The following BBS9 variants were observed in gnomAD, a reference collection of about 807,000 sequenced individuals.
BBS9 encodes Bardet-Biedl syndrome 9.
BBS9 carries 89 observed loss-of-function variants against 117.7 expected under a neutral mutation model. The ratio of observed to expected loss-of-function variants is 0.76; its 90% confidence interval spans 0.64 to 0.90. The LOEUF (loss-of-function observed/expected upper bound fraction) is 0.90, where lower values mean the gene tolerates loss of function less well. Ranked by LOEUF, BBS9 falls within the 40% of genes least tolerant of loss-of-function variation. The pLI is 0.00. For synonymous variants in BBS9, 379 were observed against 370.9 expected, an observed-to-expected ratio of 1.02 and a Z score of -0.25; for missense variants, 982 against 1,042.2, an observed-to-expected ratio of 0.94 and a Z score of 0.80.
intron 19 of BBS9, among the ~76,000 whole-genome samples, chr7:33,497,881 A>G (rs1844940751): frequency 6.6e-6 from 1 of 152,176 alleles, no homozygotes; most frequent in Non-Finnish European, 1.5e-5. Context: ...AGACTGCCTC[A>G]AACAGAAGAG....
At chr7:33,147,704 G>A (rs1246469817) in intron 2 of BBS9, among the ~76,000 whole-genome samples, 1 of 152,144 alleles carries the variant, frequency 6.6e-6, no homozygotes, top group East Asian at 1.9e-4. Flanking sequence ...GTTCAGCTTG[G>A]TTGGAAACTA....
intron 9 of BBS9, among the ~76,000 whole-genome samples, chr7:33,316,704 A>G (rs1810575960): frequency 6.6e-6 from 1 of 152,166 alleles, no homozygotes; most frequent in Non-Finnish European, 1.5e-5. Flanking sequence ...TGTGAAATGT[A>G]TATTCATGTC....
chr7:33,505,426 T>G, intron 19 of BBS9, 37 bp from the exon 20 acceptor site: 1 of 1,607,334 alleles, frequency 6.2e-7, no homozygotes, highest in Non-Finnish European at 8.5e-7. Flanking sequence ...TCAATAATTG[T>G]GAAATTATCC....
chr7:33,393,905 C>G (rs142975918), intron 19 of BBS9, among the ~76,000 whole-genome samples: 70 of 152,298 alleles, frequency 4.6e-4, no homozygotes, highest in African/African-American at 1.6e-3. Flanking sequence ...AAGCCAACCA[C>G]TTCCCTCCCT....
Position 33,219,283 on chromosome 7 carries a change from C to T in BBS9, c.443-37953C>T, listed in dbSNP as rs553456161. ...CCCCCTCCGTGGGCTCCTGTGCGGC[C>T]GAGCTTCCCCGGTGAGCGCCGCCCC... On this transcript the variant is annotated intron_variant, in intron 5 of 22. Transcript: ENST00000242067. Among the ~76,000 whole-genome samples the T allele has an allele frequency of 3.1e-4, 47 of 152,320 alleles. No individual in the cohort carries two copies. The East Asian group carries it at 5.6e-3, about 18-fold the overall frequency.
intron 21 of BBS9, among the ~76,000 whole-genome samples, chr7:33,576,546 G>GA (rs916197474): frequency 6.6e-5 from 10 of 151,940 alleles, no homozygotes; most frequent in African/African-American, 1.9e-4. Flanking sequence ...CACAGAATTG[G>GA]AAAAAAACAC....
intron 20 of BBS9, among the ~76,000 whole-genome samples, chr7:33,522,040 T>C (rs1298456990): frequency 2.0e-5 from 3 of 151,994 alleles, no homozygotes; most frequent in African/African-American, 7.2e-5. Flanking sequence ...AATGATGATT[T>C]CCAATTTCAT....
At chr7:33,194,696 T>C (rs1036531459) in intron 5 of BBS9, among the ~76,000 whole-genome samples, 1 of 152,240 alleles carries the variant, frequency 6.6e-6, no homozygotes, top group African/African-American at 2.4e-5. Context: ...GCTTTTAAAC[T>C]GTGTAAGTGT....
At chr7:33,564,035 A>C (rs1856494295) in intron 21 of BBS9, among the ~76,000 whole-genome samples, 1 of 105,502 alleles carries the variant, frequency 9.5e-6, no homozygotes, top group African/African-American at 6.0e-5. Flanking sequence ...GGAATTCATC[A>C]ATTCTTTAAA....
intron 5 of BBS9, among the ~76,000 whole-genome samples, chr7:33,234,222 GA>G (rs1344669884): frequency 3.3e-5 from 5 of 151,922 alleles, no homozygotes; most frequent in African/African-American, 7.2e-5. Context: ...GTATGTATAG[GA>G]AAAAACAGTG....
chr7:33,454,657 C>G (rs1258641475), intron 19 of BBS9, among the ~76,000 whole-genome samples: 1 of 152,182 alleles, frequency 6.6e-6, no homozygotes, highest in Non-Finnish European at 1.5e-5. Context: ...GTCAAGACAC[C>G]TCAATCATAA....
chr7:33,336,382 G>A, intron 9 of BBS9, 59 bp from the exon 10 acceptor site: 1 of 1,372,946 alleles, frequency 7.3e-7, no homozygotes, highest in Non-Finnish European at 1.0e-6. Context: ...AATGTAGTTG[G>A]TCAAGACTAA....
intron 4 of BBS9, among the ~76,000 whole-genome samples, chr7:33,170,942 G>T (rs953083265): frequency 2.7e-5 from 4 of 150,144 alleles, no homozygotes; most frequent in South Asian, 2.1e-4. Context: ...CACTGCTCAA[G>T]GAAATAAAAG....
chr7:33,134,072 C>T (rs749615494), intron 1 of BBS9, among the ~76,000 whole-genome samples: 5 of 151,654 alleles, frequency 3.3e-5, no homozygotes, highest in East Asian at 1.9e-4. Context: ...TTTTTTGAAA[C>T]GGAGTTTTGC....
At position 33,349,127 on chromosome 7, in the gene BBS9, A is replaced by C; in HGVS notation, c.1389A>C (p.Pro463=). The change falls in exon 13 of 23, where the codon CCA becomes CCC. Residue 463 remains proline, a synonymous_variant. Coordinates refer to ENST00000242067, the MANE Select transcript of BBS9 (RefSeq NM_198428.3). ...CCAAATTATCAGTCTACGTGCAACC[A>C]CCATTAGAATTGACTTGTGATCAGT... The part of the protein sequence containing the change: ...QKAKLSVYVQ[P]PLELTCDQFT... The C allele has an allele frequency of 6.2e-7, 1 of 1,613,482 alleles. No homozygotes were observed. The highest frequency in any genetic ancestry group is 8.5e-7 in the Non-Finnish European group (1 of 1,179,568).
chr7:33,203,717 A>ACTTTTCTTTT (rs113024677), intron 5 of BBS9, among the ~76,000 whole-genome samples: 145,916 of 150,730 alleles, frequency 0.97, 70,664 homozygotes, highest in East Asian at 1. Context: ...TTGGAACACT[A>ACTTTTCTTTT]CTTTTCTTTT....
In BBS9 at chr7:33,387,346, G is replaced by A. The variant is rs139682406; in HGVS notation, c.1963-646G>A. 8.5e-3 allele frequency among the ~76,000 whole-genome samples: 1,286 copies of A among 152,126 alleles called. 21 individuals are homozygous for A. The highest frequency in any genetic ancestry group is 0.044 in the South Asian group (214 of 4,810). ...ATTGGATTGTTGCTGATTTCCTACT[G>A]ATTTCTGTTAGGTTGTGGTCTTTTT... is the stretch of plus-strand genomic sequence containing the variant. On this transcript the variant is annotated intron_variant, in intron 18 of 22. Coordinates refer to ENST00000242067, the MANE Select transcript of BBS9 (RefSeq NM_198428.3).
rs577640064 is a variant in BBS9 at position 33,493,601 on chromosome 7, G to T, written c.2116-11862G>T. On this transcript the variant is annotated intron_variant, in intron 19 of 22. Transcript: ENST00000242067. ...ACAATTCATATGGCTTATTCTGCAGGCTGGGTGAAGGCCCAGCTGTCCTTT... is the reference window on the plus strand; with the variant it reads ...ACAATTCATATGGCTTATTCTGCAGTCTGGGTGAAGGCCCAGCTGTCCTTT... 6.6e-5 allele frequency among the ~76,000 whole-genome samples: 10 copies of T among 152,246 alleles called. No homozygotes were observed. The South Asian group carries it at 2.1e-3, about 32-fold the overall frequency.
rs564157776 is a variant in BBS9 at position 33,591,703 on chromosome 7, C to T, written c.2522-13162C>T. On this transcript the variant is annotated intron_variant, in intron 21 of 22. Transcript: ENST00000242067. ...TTCAAGGTTCAGCTGCTGGCCATTA[C>T]GATTTCCCATGAGAAAGCAAACCTA... Among the ~76,000 whole-genome samples the T allele has an allele frequency of 4.9e-4, 74 of 152,136 alleles. 1 individual carries two copies. The highest frequency in any genetic ancestry group is 6.8e-3 in the Middle Eastern group (2 of 294).
Sources: allele counts gnomAD v4.1 joint callset (sites outside exome capture counted in the v4.1 genomes callset), GRCh38; gene constraint gnomAD v4.1.1; transcripts MANE v1.5; gene names NCBI Gene and HGNC (gene_info 2026-07-23, HGNC 2026-07-21).